PKMYT1: variants seen among roughly 807,000 people sequenced by gnomAD.
The protein encoded by PKMYT1 is protein kinase, membrane associated tyrosine/threonine 1.
Under a neutral mutation model 49.7 loss-of-function variants are expected in PKMYT1, and 35 were observed. The ratio of observed to expected loss-of-function variants is 0.70; its 90% CI spans 0.54 to 0.93. PKMYT1 has a LOEUF of 0.93. Ranked by LOEUF, PKMYT1 falls within the 40% of genes least tolerant of loss-of-function variation. The probability of loss-of-function intolerance (pLI) is 0.00; values close to 1 mark genes in which losing one functional copy is unlikely to be tolerated. For missense variants in PKMYT1, 677 were observed against 673.1 expected, an observed-to-expected ratio of 1.01 and a Z score of -0.06; for synonymous variants, 331 against 287.6, an observed-to-expected ratio of 1.15 and a Z score of -1.53.
At position 2,976,823 on chromosome 16, in the gene PKMYT1, G is replaced by A. The variant is rs911621906; in HGVS notation, c.219C>T (p.Gly73=). 3 of 1,569,396 alleles carry A rather than the reference G, an allele frequency of 1.9e-6. No homozygotes were observed. In the East Asian group the frequency reaches 7.0e-5, roughly 37 times the overall value. Residue 73 remains glycine (G), a synonymous_variant, in exon 3 of 9, where the codon GGC becomes GGT. Transcript: ENST00000262300. ...CCCGCCGGGGCTGCAGCTGGTGCCAGCCTGGGGTCCGAGGAGGGAAGAGGC... is the reference window on the plus strand; with the variant it reads ...CCCGCCGGGGCTGCAGCTGGTGCCAACCTGGGGTCCGAGGAGGGAAGAGGC... ...ISRLFPPRTP[G]WHQLQPRRVS...
chr16:2,973,168 G>A lies in PKMYT1; in HGVS notation c.1358C>T (p.Thr453Ile), dbSNP rs766870198. The change falls in exon 8 of 9, where the codon ACC becomes ATC. Residue 453 changes from threonine to isoleucine, a missense_variant. Thr to Ile is a moderately conservative substitution (Grantham distance 89, BLOSUM62 -1). Transcript: ENST00000262300. ...TGTGCACCTGCTCCGGGGGGTGGAGGTGCTCCCCACAGTCCGGGCCAGGAC... is the reference window on the plus strand; with the variant it reads ...TGTGCACCTGCTCCGGGGGGTGGAGATGCTCCCCACAGTCCGGGCCAGGAC... ...EAVLARTVGS[T>I]STPRSRCTPR... 16 of 1,537,006 alleles carry A rather than the reference G, an allele frequency of 1.0e-5. No individual in the cohort carries two copies. Among genetic ancestry groups the A allele is most frequent in the Non-Finnish European group, 1.4e-5 (16 of 1,136,120 alleles).
At chr16:2,974,782 A>G in intron 4 of PKMYT1, 126 bp from the exon 5 acceptor site, 1 of 642,644 alleles carries the variant, frequency 1.6e-6, no homozygotes, top group Non-Finnish European at 2.8e-6. Context: ...GAGGGGCGGA[A>G]GCAGGGGGAA....
At position 2,979,868 on chromosome 16, in the gene PKMYT1, C is replaced by T. The variant is rs757053582; in HGVS notation, c.-211G>A. 85 of 603,270 alleles carry T rather than the reference C, an allele frequency of 1.4e-4. No homozygotes were observed. The highest frequency in any genetic ancestry group is 2.3e-4 in the Non-Finnish European group (76 of 335,564). The allele number at this position is 603,270 out of a possible 1,614,324, so 37.4% of individuals were successfully genotyped here. A position where few individuals can be genotyped will look rare whatever the true frequency, so the allele number is the denominator to read the frequency against. Reference sequence around the variant, plus strand: ...TTCCCGGTAGACGGTAAGTTCCTCCCAGGCAGGGCCGCGGCTGACTTCACT... The same window carrying T: ...TTCCCGGTAGACGGTAAGTTCCTCCTAGGCAGGGCCGCGGCTGACTTCACT... On this transcript the variant is annotated 5_prime_UTR_variant, in exon 2 of 9. Coordinates refer to ENST00000262300, the MANE Select transcript of PKMYT1 (RefSeq NM_004203.5).
intron 2 of PKMYT1, among the ~76,000 whole-genome samples, chr16:2,978,747 C>A (rs574227889): frequency 2.4e-4 from 32 of 133,872 alleles, no homozygotes; most frequent in South Asian, 5.2e-4. Flanking sequence ...GACTCTGTCT[C>A]AAAAAAAAAA....
chr16:2,972,815 CT>C lies in PKMYT1; in HGVS notation c.*137del, dbSNP rs2072033767. On this transcript the variant is annotated 3_prime_UTR_variant, in exon 9 of 9. Coordinates refer to ENST00000262300, the MANE Select transcript of PKMYT1 (RefSeq NM_004203.5). ...GTTGCCACATGAGCAAGCTTGGGTG[CT>C]CCCAAGGTTCAAATACTTTTTATTA... is the stretch of plus-strand genomic sequence containing the variant. 8 of 1,538,118 alleles carry C rather than the reference CT, an allele frequency of 5.2e-6. No individual in the cohort carries two copies. Among genetic ancestry groups the C allele is most frequent in the Non-Finnish European group, 7.0e-6 (8 of 1,139,646 alleles).
rs779625152 is a variant in PKMYT1 at position 2,974,260 on chromosome 16, C to A, written c.1137G>T (p.Gly379=). The change falls in exon 6 of 9, where the codon GGG becomes GGT. Residue 379 remains glycine, a synonymous_variant. Coordinates refer to ENST00000262300, the MANE Select transcript of PKMYT1 (RefSeq NM_004203.5). Reference sequence around the variant, plus strand: ...GGGAGCTTACCTGCCACAGGGCCCACCCTCGGCTCAGGGCCTCCGCTGCCA... The same window carrying A: ...GGGAGCTTACCTGCCACAGGGCCCAACCTCGGCTCAGGGCCTCCGCTGCCA... ...WCMAAEALSR[G]WALWQALLAL... is the part of the protein sequence containing the mutation. The A allele has an allele frequency of 1.3e-6, 2 of 1,567,856 alleles. No individual in the cohort carries two copies. Among genetic ancestry groups the A allele is most frequent in the East Asian group, 2.4e-5 (1 of 42,104 alleles).
chr16:2,979,553 C>A, intron 2 of PKMYT1, 95 bp downstream of exon 2: 1 of 1,020,192 alleles, frequency 9.8e-7, no homozygotes, highest in Non-Finnish European at 1.6e-6. Context: ...TCACTGGTCA[C>A]AAGCACAGCC....
In PKMYT1 at chr16:2,973,306, C is replaced by T. The variant is rs531752388; in HGVS notation, c.1311-91G>A. 78 of 1,514,916 alleles carry T rather than the reference C, an allele frequency of 5.1e-5. No individual in the cohort carries two copies. In the East Asian group the frequency reaches 6.2e-4, roughly 12 times the overall value. 93.8% of individuals were successfully genotyped at this position (1,514,916 alleles called of 1,614,324 possible). ...TGTCCCTGTGCAGGCTCCAGGCTCC[C>T]GCCTGACAAACAGGCAGGGAGCCAC... is the stretch of plus-strand genomic sequence containing the variant. On this transcript the variant is annotated intron_variant, in intron 7 of 8. Coordinates refer to ENST00000262300, the MANE Select transcript of PKMYT1 (RefSeq NM_004203.5).
chr16:2,973,449 G>A (rs1170668237), intron 7 of PKMYT1: 2 of 1,522,184 alleles, frequency 1.3e-6, no homozygotes, highest in African/African-American at 2.8e-5. Flanking sequence ...ACATGGACTT[G>A]GAGGCAGATT....
intron 4 of PKMYT1, 193 bp from the exon 5 acceptor site, chr16:2,974,849 T>A: frequency 1.7e-6 from 1 of 589,018 alleles, no homozygotes; most frequent in Non-Finnish European, 3.0e-6. Context: ...CATCATGGAA[T>A]ATGGGCTCTG....
chr16:2,979,168 C>G (rs1281344403), intron 2 of PKMYT1, among the ~76,000 whole-genome samples: 1 of 151,796 alleles, frequency 6.6e-6, no homozygotes, highest in South Asian at 2.1e-4. Flanking sequence ...AACCCCATCT[C>G]TACTAAAGAT....
chr16:2,979,696 G>T lies in PKMYT1; in HGVS notation c.-39C>A. On this transcript the variant is annotated 5_prime_UTR_variant, in exon 2 of 9. Transcript: ENST00000262300. The stretch of plus-strand genomic sequence containing the variant: ...CAACAGCCTCAGTGGTGGGACGGGG[G>T]AGGCAGGAGCAGGGGCTCCCACGTG... The T allele has an allele frequency of 6.2e-7, 1 of 1,613,716 alleles. No individual in the cohort carries two copies.
intron 2 of PKMYT1, among the ~76,000 whole-genome samples, chr16:2,978,448 T>G (rs979437911): frequency 1.3e-5 from 2 of 152,104 alleles, no homozygotes; most frequent in African/African-American, 4.8e-5. Context: ...TCAAAGGAGC[T>G]CAAAATTAAT....
At chr16:2,975,262 C>A (rs1420630968) in intron 4 of PKMYT1, 57 bp downstream of exon 4, 2 of 1,504,060 alleles carry the variant, frequency 1.3e-6, no homozygotes, top group Non-Finnish European at 1.8e-6. Context: ...ATGGAGCTTC[C>A]GTCCCAGGAA....
At chr16:2,973,272 A>G (rs935278735) in intron 7 of PKMYT1, 57 bp from the exon 8 acceptor site, 1 of 1,488,864 alleles carries the variant, frequency 6.7e-7, no homozygotes, top group African/African-American at 1.4e-5. Context: ...TGCCGGATGA[A>G]ACCAGCTCTG....
chr16:2,973,218 G>A lies in PKMYT1; in HGVS notation c.1311-3C>T. The A allele has an allele frequency of 6.7e-7, 1 of 1,493,878 alleles. No homozygotes were observed. The highest frequency in any genetic ancestry group is 2.4e-5 in the East Asian group (1 of 42,396). 92.5% of individuals were successfully genotyped at this position (1,493,878 alleles called of 1,614,324 possible). A position where few individuals can be genotyped will look rare whatever the true frequency, so the allele number is the denominator to read the frequency against. The stretch of plus-strand genomic sequence containing the variant: ...CAGCCTCAGGGGAGAGTGAAGGCCT[G>A]CAGGAGGGCAGGCGAGACAAGGAGG... On this transcript the variant is annotated splice_polypyrimidine_tract_variant and splice_region_variant and intron_variant, in intron 7 of 8. Transcript: ENST00000262300.
At chr16:2,973,625 A>G (rs1596447112) in intron 7 of PKMYT1, 2 of 455,334 alleles carry the variant, frequency 4.4e-6, no homozygotes, top group East Asian at 1.0e-4. Context: ...CTCACTCAAG[A>G]CACCAGGCCC....
chr16:2,973,148 A>G lies in PKMYT1; in HGVS notation c.1378T>C (p.Cys460Arg), dbSNP rs747047762. ...VGSTSTPRSR[C>R]TPRDALDLSD... ...CCTGGACCTGCTTACCTGGGTGTGC[A>G]CCTGCTCCGGGGGGTGGAGGTGCTC... is the stretch of plus-strand genomic sequence containing the variant. Residue 460 changes from cysteine to arginine, a missense_variant, in exon 8 of 9, where the codon TGC becomes CGC. Physicochemically the swap from Cys to Arg is radical, Grantham distance 180. Transcript: ENST00000262300. The G allele has an allele frequency of 6.5e-7, 1 of 1,546,718 alleles. No individual in the cohort carries two copies.
At chr16:2,974,837 G>A (rs781069410) in intron 4 of PKMYT1, 181 bp from the exon 5 acceptor site, 41 of 594,096 alleles carry the variant, frequency 6.9e-5, no homozygotes, top group Non-Finnish European at 1.1e-4. Context: ...GCAGGATGGG[G>A]ACATCATGGA....
Sources: allele counts gnomAD v4.1 joint callset (sites outside exome capture counted in the v4.1 genomes callset), GRCh38; gene constraint gnomAD v4.1.1; transcripts MANE v1.5; gene names NCBI Gene and HGNC (gene_info 2026-07-23, HGNC 2026-07-21).